Variants in TBCD observed in about 807,000 individuals in gnomAD.
The protein encoded by TBCD is tubulin folding cofactor D, also known as tubulin-specific chaperone D.
In TBCD, 105 loss-of-function variants were observed where a neutral mutation model predicts 169.3. That is an observed-to-expected ratio of 0.62 (90% CI 0.53 to 0.73). The LOEUF (loss-of-function observed/expected upper bound fraction) is 0.73, where lower values mean the gene tolerates loss of function less well. TBCD is among the 30% of genes least tolerant of loss of function. TBCD has a pLI of 0.00. For missense variants in TBCD, 1,444 were observed against 1,600.1 expected, an observed-to-expected ratio of 0.90 and a Z score of 1.66; for synonymous variants, 700 against 643.9, an observed-to-expected ratio of 1.09 and a Z score of -1.32.
chr17:82,841,453 G>A (rs1470779348), intron 13 of TBCD, among the ~76,000 whole-genome samples: 1 of 152,066 alleles, frequency 6.6e-6, no homozygotes. Flanking sequence ...CAGTAGCTGG[G>A]ACTACAGGCA....
chr17:82,870,926 A>G (rs1157085001), intron 14 of TBCD, among the ~76,000 whole-genome samples: 1 of 152,266 alleles, frequency 6.6e-6, no homozygotes, highest in Non-Finnish European at 1.5e-5. Flanking sequence ...TTTGTGGACC[A>G]GCACTTGAGA....
At chr17:82,859,191 C>T (rs1489523059) in intron 13 of TBCD, among the ~76,000 whole-genome samples, 2 of 150,866 alleles carry the variant, frequency 1.3e-5, no homozygotes, top group South Asian at 2.1e-4. Context: ...TCTGGCCTGC[C>T]GGCTCTGTGT....
intron 14 of TBCD, among the ~76,000 whole-genome samples, chr17:82,879,346 G>A (rs1599155487): frequency 6.6e-6 from 1 of 151,932 alleles, no homozygotes; most frequent in Admixed American, 6.5e-5. Context: ...GCCTCCCTTC[G>A]TGTGCCGCTT....
At chr17:82,934,061 G>A (rs950444336) in intron 34 of TBCD, among the ~76,000 whole-genome samples, 2 of 152,316 alleles carry the variant, frequency 1.3e-5, no homozygotes, top group South Asian at 2.1e-4. Flanking sequence ...TGGGTGGTTC[G>A]TCCCCAGCCT....
chr17:82,882,687 G>A (rs1436399486), intron 14 of TBCD, among the ~76,000 whole-genome samples: 1 of 152,078 alleles, frequency 6.6e-6, no homozygotes, highest in Non-Finnish European at 1.5e-5. Flanking sequence ...TGAATCTGGA[G>A]AACAAGTGGG....
At chr17:82,826,377 T>G (rs2052852424) in intron 13 of TBCD, among the ~76,000 whole-genome samples, 2 of 152,234 alleles carry the variant, frequency 1.3e-5, no homozygotes, top group Non-Finnish European at 2.9e-5. Context: ...CTTAATAAGA[T>G]AGCTGTTTAG....
At chr17:82,917,112 C>T (rs570751504) in intron 23 of TBCD, among the ~76,000 whole-genome samples, 6 of 150,982 alleles carry the variant, frequency 4.0e-5, no homozygotes, top group Non-Finnish European at 7.4e-5. Flanking sequence ...CTCCGCCTCC[C>T]GGGATTAAGC....
Position 82,922,961 on chromosome 17 carries a change from G to T in TBCD, c.2179-691G>T, listed in dbSNP as rs1409988520. 3.9e-5 allele frequency among the ~76,000 whole-genome samples: 6 copies of T among 152,210 alleles called. No homozygotes were observed. The highest frequency in any genetic ancestry group is 7.3e-5 in the Non-Finnish European group (5 of 68,038). ...CGGCGGGACTGGTGACTCTCTGCCC[G>T]CTCCTGCTCTGTGCAGCAATTGCCG... On this transcript the variant is annotated intron_variant, in intron 25 of 38. Coordinates refer to ENST00000355528, the MANE Select transcript of TBCD (RefSeq NM_005993.5). The surrounding 1 kb of genome is among the most constrained non-coding windows in gnomAD (Gnocchi z 4.1).
At chr17:82,871,717 C>G (rs978171546) in intron 14 of TBCD, among the ~76,000 whole-genome samples, 22 of 152,216 alleles carry the variant, frequency 1.4e-4, no homozygotes, top group Admixed American at 3.3e-4. Context: ...TGTGCTGGGT[C>G]CCCTCTGCCC....
At chr17:82,932,981 G>A (rs555356160) in intron 34 of TBCD, 14 of 515,000 alleles carry the variant, frequency 2.7e-5, no homozygotes, top group African/African-American at 2.7e-4. Flanking sequence ...GCTGAGGCGG[G>A]GGCCCTGCTG....
chr17:82,896,376 G>A (rs576263049), intron 17 of TBCD, among the ~76,000 whole-genome samples: 2 of 151,700 alleles, frequency 1.3e-5, no homozygotes, highest in East Asian at 1.9e-4. Context: ...CGGTGAACAT[G>A]TGTGTACACA....
At chr17:82,862,295 G>T (rs1466254428) in intron 13 of TBCD, among the ~76,000 whole-genome samples, 1 of 152,034 alleles carries the variant, frequency 6.6e-6, no homozygotes, top group African/African-American at 2.4e-5. Context: ...AGATTTTTAT[G>T]CAGGGGGGCT....
chr17:82,826,933 A>G (rs1663725717), intron 13 of TBCD, among the ~76,000 whole-genome samples: 1 of 151,926 alleles, frequency 6.6e-6, no homozygotes, highest in Admixed American at 6.6e-5. Context: ...GTGCCACCAC[A>G]CCTGGCTGAC....
intron 34 of TBCD, 116 bp downstream of exon 34, chr17:82,932,851 T>C: frequency 5.9e-6 from 6 of 1,014,180 alleles, no homozygotes; most frequent in Non-Finnish European, 7.4e-6. Flanking sequence ...TCCAGTGCGT[T>C]CTGGGTCAGT....
At chr17:82,873,547 G>A (rs2057758670) in intron 14 of TBCD, among the ~76,000 whole-genome samples, 1 of 152,266 alleles carries the variant, frequency 6.6e-6, no homozygotes, top group South Asian at 2.1e-4. Flanking sequence ...ACTGGACGGG[G>A]CTGGCAGCTC....
intron 8 of TBCD, 141 bp from the exon 9 acceptor site, chr17:82,800,723 T>G: frequency 5.0e-6 from 5 of 1,002,950 alleles, no homozygotes; most frequent in Non-Finnish European, 5.7e-6. Context: ...TCTTGGTTCA[T>G]GATTTGGGAT....
intron 37 of TBCD, among the ~76,000 whole-genome samples, chr17:82,939,727 A>G (rs1368187429): frequency 6.6e-6 from 1 of 152,180 alleles, no homozygotes; most frequent in Non-Finnish European, 1.5e-5. Flanking sequence ...CCACCAGGGG[A>G]GCGGGCACCT....
At chr17:82,860,351 T>C in intron 13 of TBCD, 2 of 984,098 alleles carry the variant, frequency 2.0e-6, no homozygotes, top group African/African-American at 1.7e-5. Flanking sequence ...TTCGCAGTGG[T>C]GGAGGGGCAG....
intron 14 of TBCD, among the ~76,000 whole-genome samples, chr17:82,872,928 C>A (rs540048707): frequency 7.2e-5 from 10 of 139,496 alleles, no homozygotes; most frequent in Middle Eastern, 3.5e-3. Flanking sequence ...TCGTGGCCGA[C>A]GGCTTCTGAG....
Sources: allele counts gnomAD v4.1 joint callset (sites outside exome capture counted in the v4.1 genomes callset), GRCh38; gene constraint gnomAD v4.1.1; non-coding constraint Gnocchi (gnomAD v3.1); transcripts MANE v1.5; gene names NCBI Gene and HGNC (gene_info 2026-07-23, HGNC 2026-07-21).